The following FAM184A variants were observed in gnomAD, a reference collection of about 807,000 sequenced individuals.
FAM184A encodes the protein protein FAM184A.
FAM184A carries 99 observed loss-of-function variants against 143.8 expected under a neutral mutation model. The observed-to-expected ratio is 0.69, with a 90% CI of 0.58 to 0.81. The LOEUF is 0.81. FAM184A is among the 40% of genes least tolerant of loss of function. The probability of loss-of-function intolerance (pLI) is 0.00; values close to 1 mark genes in which losing one functional copy is unlikely to be tolerated. For missense variants in FAM184A, 1,217 were observed against 1,310.5 expected (o/e 0.93, Z 1.10); for synonymous variants, 427 against 446.4 (o/e 0.96, Z 0.55).
rs148346270 is a variant in FAM184A at position 118,984,779 on chromosome 6, T to C, written c.2089-4429A>G. Among the ~76,000 whole-genome samples, 145 of 152,332 alleles carry C rather than the reference T, an allele frequency of 9.5e-4. No homozygotes were observed. The East Asian group carries it at 0.026, about 28-fold the overall frequency. On this transcript the variant is annotated intron_variant, in intron 9 of 17. Transcript: ENST00000338891. Reference sequence around the variant, plus strand: ...TTGAGATAGTAAACGTAATCTGTGATTCTCAAACCTGGCTGTGTATCAGAA... The same window carrying C: ...TTGAGATAGTAAACGTAATCTGTGACTCTCAAACCTGGCTGTGTATCAGAA...
intron 1 of FAM184A, among the ~76,000 whole-genome samples, chr6:119,049,356 G>A (rs1038804455): frequency 6.6e-5 from 10 of 152,216 alleles, no homozygotes; most frequent in African/African-American, 2.2e-4. Flanking sequence ...GCTGAGGCAG[G>A]AGAATCACTT....
chr6:119,084,518 A>C (rs542233922), intron 1 of FAM184A, among the ~76,000 whole-genome samples: 1 of 152,318 alleles, frequency 6.6e-6, no homozygotes, highest in East Asian at 1.9e-4. Context: ...CAGGCCCCAC[A>C]GTTGCTCTCA....
upstream of FAM184A, among the ~76,000 whole-genome samples, chr6:119,079,825 C>G (rs1449356773): frequency 6.6e-6 from 1 of 152,182 alleles, no homozygotes; most frequent in Non-Finnish European, 1.5e-5. Flanking sequence ...CCCTGAAATA[C>G]TTTAAGATCT....
Position 118,980,411 on chromosome 6 carries a change from A to G in FAM184A, c.2089-61T>C, listed in dbSNP as rs1310679822. ...ACAAGGCATAGTTCACAAACTACCC[A>G]GCAAAGGGGGAAAAGCATTTCAAAG... is the stretch of plus-strand genomic sequence containing the variant. On this transcript the variant is annotated intron_variant, in intron 9 of 17. Transcript: ENST00000338891. 8 of 1,294,730 alleles carry G rather than the reference A, an allele frequency of 6.2e-6. No individual in the cohort carries two copies. In the East Asian group the frequency reaches 1.9e-4, roughly 31 times the overall value. 80.2% of individuals were successfully genotyped at this position (1,294,730 alleles called of 1,614,324 possible). A position where few individuals can be genotyped will look rare whatever the true frequency, so the allele number is the denominator to read the frequency against.
At chr6:119,146,410 G>A (rs1201660361) in intron 1 of FAM184A, among the ~76,000 whole-genome samples, 1 of 150,326 alleles carries the variant, frequency 6.7e-6, no homozygotes, top group Non-Finnish European at 1.5e-5. Context: ...GTGTGTGTGT[G>A]TGTGTGTGTG....
chr6:119,016,350 TCACTCTTTGGGTC>T (rs1302450326), intron 5 of FAM184A, among the ~76,000 whole-genome samples: 1 of 152,144 alleles, frequency 6.6e-6, no homozygotes. Flanking sequence ...TTGCTACTGC[TCACTCTTTGGGTC>T]CACGCTGCTT....
At chr6:119,123,064 G>A (rs1243474852) in intron 1 of FAM184A, among the ~76,000 whole-genome samples, 1 of 149,956 alleles carries the variant, frequency 6.7e-6, no homozygotes, top group Non-Finnish European at 1.5e-5. Context: ...GGACTGGCCA[G>A]AACCACTCCA....
At chr6:119,076,013 G>A (rs905195638) in intron 1 of FAM184A, among the ~76,000 whole-genome samples, 1 of 152,046 alleles carries the variant, frequency 6.6e-6, no homozygotes, top group African/African-American at 2.4e-5. Context: ...TTCAGTATAT[G>A]TCAATGGTTC....
chr6:118,990,320 T>C (rs1253680544), intron 9 of FAM184A, among the ~76,000 whole-genome samples: 1 of 152,222 alleles, frequency 6.6e-6, no homozygotes, highest in African/African-American at 2.4e-5. Flanking sequence ...AAATCATCCC[T>C]TCCCTAGGTG....
chr6:119,027,370 C>T (rs1785670574), intron 1 of FAM184A, among the ~76,000 whole-genome samples: 2 of 152,186 alleles, frequency 1.3e-5, no homozygotes, highest in South Asian at 4.1e-4. Flanking sequence ...TGACTGAGAC[C>T]TGTCTCACAT....
At chr6:119,089,537 G>A (rs373047855) in intron 1 of FAM184A, among the ~76,000 whole-genome samples, 2 of 151,984 alleles carry the variant, frequency 1.3e-5, no homozygotes, top group Admixed American at 6.6e-5. Flanking sequence ...TCCTGGTCTC[G>A]AGTAATCCTC....
chr6:119,013,135 G>A (rs1171856721), intron 5 of FAM184A, among the ~76,000 whole-genome samples: 4 of 151,986 alleles, frequency 2.6e-5, no homozygotes, highest in African/African-American at 7.3e-5. Flanking sequence ...TAGAAATAAT[G>A]CTGCAATAGG....
At position 119,102,034 on chromosome 6, in the gene FAM184A, C is replaced by T. The variant is rs1462925708; in HGVS notation, c.-202+47044G>A. On this transcript the variant is annotated intron_variant, in intron 1 of 16. Coordinates refer to the FAM184A transcript ENST00000352896. The stretch of plus-strand genomic sequence containing the variant: ...TCATACCACTGCACTCCAGCCTGGG[C>T]AACACAGTGAGACTTCATCTCAAAA... 3.6e-4 allele frequency among the ~76,000 whole-genome samples: 54 copies of T among 151,830 alleles called. 1 individual carries two copies. Among genetic ancestry groups the T allele is most frequent in the Admixed American group, 3.5e-3 (53 of 15,246 alleles).
At chr6:119,108,381 A>T (rs922462820) in intron 1 of FAM184A, among the ~76,000 whole-genome samples, 3 of 152,024 alleles carry the variant, frequency 2.0e-5, no homozygotes, top group African/African-American at 7.3e-5. Context: ...GCTGTTAAAT[A>T]GCCTCTACCC....
At chr6:119,004,289 G>A (rs1341496261) in intron 7 of FAM184A, among the ~76,000 whole-genome samples, 3 of 152,206 alleles carry the variant, frequency 2.0e-5, no homozygotes, top group East Asian at 1.9e-4. Context: ...GGCAGAAGAG[G>A]AGCAGATGAT....
chr6:119,055,163 T>A (rs1270669987), intron 1 of FAM184A, among the ~76,000 whole-genome samples: 1 of 152,216 alleles, frequency 6.6e-6, no homozygotes, highest in African/African-American at 2.4e-5. Flanking sequence ...GCCTTTTGTG[T>A]CTGGCCTCTT....
intron 1 of FAM184A, among the ~76,000 whole-genome samples, chr6:119,102,784 C>CAAAAAAAAAAAAAAAAAAA (rs58686018): frequency 3.7e-4 from 11 of 30,100 alleles, no homozygotes; most frequent in South Asian, 2.3e-3. Context: ...GACTCCATCT[C>CAAAAAAAAAAAAAAAAAAA]AAAAAAAAAA....
Position 119,144,171 on chromosome 6 carries a change from C to CAAAA in FAM184A, c.-202+4903_-202+4906dup, listed in dbSNP as rs55990833. On this transcript the variant is annotated intron_variant, in intron 1 of 16. Transcript: ENST00000352896. ...TGAAACCCTGTCTCTACTAAAAATA[C>CAAAA]AAAAAAAAAAAAATTAGCCGGGTGT... Among the ~76,000 whole-genome samples the CAAAA allele has an allele frequency of 5.9e-3, 845 of 144,300 alleles. 8 individuals carry two copies. The highest frequency in any genetic ancestry group is 0.021 in the African/African-American group (803 of 38,866). The allele number at this position is 144,300 out of a possible 152,430, so 94.7% of individuals were successfully genotyped here. A position where few individuals can be genotyped will look rare whatever the true frequency, so the allele number is the denominator to read the frequency against.
intron 1 of FAM184A, among the ~76,000 whole-genome samples, chr6:119,126,538 C>T (rs1014437068): frequency 3.9e-5 from 6 of 152,180 alleles, no homozygotes; most frequent in African/African-American, 1.4e-4. Flanking sequence ...CGAGTGCTTC[C>T]GGGCACCGGC....
Sources: allele counts gnomAD v4.1 joint callset (sites outside exome capture counted in the v4.1 genomes callset), GRCh38; gene constraint gnomAD v4.1.1; transcripts MANE v1.5; gene names NCBI Gene and HGNC (gene_info 2026-07-23, HGNC 2026-07-21).